PLXNA1: variants seen among roughly 807,000 people sequenced by gnomAD.
PLXNA1 encodes the protein plexin-A1.
A neutral mutation model predicts 191.7 loss-of-function variants in PLXNA1; 77 were observed. The observed-to-expected ratio is 0.40, with a 90% confidence interval of 0.33 to 0.49. PLXNA1 has a LOEUF of 0.49. Among genes scored for constraint, PLXNA1 ranks in the 20% least tolerant of loss-of-function variants. The probability of loss-of-function intolerance (pLI) is 0.63; values close to 1 mark genes in which losing one functional copy is unlikely to be tolerated. For synonymous variants in PLXNA1, 1,137 were observed against 1,156.4 expected, an observed-to-expected ratio of 0.98 and a Z score of 0.34; for missense variants, 2,110 against 2,660.2, an observed-to-expected ratio of 0.79 and a Z score of 4.55.
rs779384154 is a variant in PLXNA1, at chr3:127,029,856, G to A, written c.4871-18G>A. 2.5e-6 allele frequency: 4 copies of A among 1,585,110 alleles called. No individual in the cohort carries two copies. The highest frequency in any genetic ancestry group is 2.7e-5 in the African/African-American group (2 of 74,286). ...CGGGGTGCCAGCCAACGCGGGCGCT[G>A]ACAGCCTGGTGCTGCAGAGAGCATG... On this transcript the variant is annotated intron_variant, in intron 27 of 31. Transcript: ENST00000393409.
intron 20 of PLXNA1, among the ~76,000 whole-genome samples, chr3:127,019,847 C>A (rs2079143861): frequency 1.3e-5 from 2 of 152,144 alleles, no homozygotes; most frequent in African/African-American, 2.4e-5. Context: ...GGGACCTCAC[C>A]CCTGGCCGCA....
At chr3:127,024,117 C>A (rs985506581) in intron 23 of PLXNA1, among the ~76,000 whole-genome samples, 5 of 152,146 alleles carry the variant, frequency 3.3e-5, no homozygotes, top group Non-Finnish European at 7.4e-5. Context: ...GTAAGCTGGG[C>A]TCTGTGAGCC....
At chr3:127,031,583 C>T (rs552678449) in intron 29 of PLXNA1, among the ~76,000 whole-genome samples, 3 of 152,342 alleles carry the variant, frequency 2.0e-5, no homozygotes, top group Admixed American at 6.5e-5. Flanking sequence ...CCAGCAGCCA[C>T]CCCCGACTTG....
chr3:127,009,393 TG>T (rs1175041756), intron 9 of PLXNA1, among the ~76,000 whole-genome samples: 1 of 151,976 alleles, frequency 6.6e-6, no homozygotes. Context: ...AGGGCTGGGC[TG>T]GGGGCACGTG....
chr3:127,032,383 G>C lies in PLXNA1; in HGVS notation c.5232-4G>C. ...CTGAGCAGCGCCTGGACTCTCGCCTGCAGCCTGCCCCTGCGCTTCTGGGTG... is the reference window on the plus strand; with the variant it reads ...CTGAGCAGCGCCTGGACTCTCGCCTCCAGCCTGCCCCTGCGCTTCTGGGTG... On this transcript the variant is annotated splice_region_variant and splice_polypyrimidine_tract_variant and intron_variant, in intron 29 of 31. Coordinates refer to ENST00000393409, the MANE Select transcript of PLXNA1 (RefSeq NM_032242.4). The C allele has an allele frequency of 6.2e-7, 1 of 1,613,478 alleles. No homozygotes were observed. The highest frequency in any genetic ancestry group is 8.5e-7 in the Non-Finnish European group (1 of 1,179,808).
At chr3:127,001,497 T>C (rs1338017572) in intron 3 of PLXNA1, among the ~76,000 whole-genome samples, 1 of 152,168 alleles carries the variant, frequency 6.6e-6, no homozygotes, top group Non-Finnish European at 1.5e-5. Context: ...GGGGCTGGGC[T>C]TCACAGCGGG....
rs767221485 is a variant in PLXNA1, at chr3:127,014,070, C to A, written c.2364C>A (p.Val788=). ...GCGACCTGCCAGTGAACCTGTCAGT[C>A]GTGTGGAACGGCAACTTTGTCATTG... ...DVSDLPVNLS[V]VWNGNFVIDN... Residue 788 remains valine, a synonymous_variant, in exon 11 of 32, where the codon GTC becomes GTA. Transcript: ENST00000393409. 1.2e-6 allele frequency: 2 copies of A among 1,613,862 alleles called. No individual in the cohort carries two copies. The highest frequency in any genetic ancestry group is 2.2e-5 in the East Asian group (1 of 44,882).
chr3:126,994,518 C>T (rs563255095), intron 3 of PLXNA1, among the ~76,000 whole-genome samples: 4 of 150,622 alleles, frequency 2.7e-5, no homozygotes, highest in Admixed American at 6.6e-5. Flanking sequence ...GGAGATCTAC[C>T]CTCACTTGTT....
rs1463146434 is a variant in PLXNA1 at position 127,022,350 on chromosome 3, G to T, written c.4295+9G>T. 11 of 1,602,922 alleles carry T rather than the reference G, an allele frequency of 6.9e-6. No homozygotes were observed. Among genetic ancestry groups the T allele is most frequent in the African/African-American group, 1.3e-5 (1 of 74,762 alleles). The stretch of plus-strand genomic sequence containing the variant: ...AAGCTGCTACTGCGCCGGTGAGCCT[G>T]GGGGGCACTGGGGTTGGGGGAGGCA... On this transcript the variant is annotated intron_variant, in intron 22 of 31. Coordinates refer to ENST00000393409, the MANE Select transcript of PLXNA1 (RefSeq NM_032242.4).
intron 3 of PLXNA1, among the ~76,000 whole-genome samples, chr3:127,002,295 G>T (rs182373674): frequency 2.2e-3 from 336 of 152,350 alleles, no homozygotes; most frequent in Non-Finnish European, 2.9e-3. Context: ...GAGCGGATGT[G>T]GGGGGTGGCC....
chr3:127,024,027 G>A (rs1206214911), intron 23 of PLXNA1, among the ~76,000 whole-genome samples: 1 of 152,196 alleles, frequency 6.6e-6, no homozygotes, highest in Non-Finnish European at 1.5e-5. Flanking sequence ...AGGCAGAACT[G>A]GAAGCAGGTA....
At chr3:127,002,051 C>T (rs72959009) in intron 3 of PLXNA1, among the ~76,000 whole-genome samples, 2 of 152,364 alleles carry the variant, frequency 1.3e-5, no homozygotes, top group African/African-American at 2.4e-5. Context: ...CACGGGTGCA[C>T]TTGGTGCGGG....
At position 127,014,616 on chromosome 3, in the gene PLXNA1, A is replaced by G; in HGVS notation, c.2743A>G (p.Ile915Val). 2 of 1,613,210 alleles carry G rather than the reference A, an allele frequency of 1.2e-6. No homozygotes were observed. The highest frequency in any genetic ancestry group is 8.5e-7 in the Non-Finnish European group (1 of 1,179,824). ...VLCSPVESEY[I>V]SAEQIVCEIG... is the part of the protein sequence containing the mutation. Reference sequence around the variant, plus strand: ...GTGCAGCCCTGTGGAGAGCGAGTACATCAGTGCGGAGCAGTGAGTGCAGCC... The same window carrying G: ...GTGCAGCCCTGTGGAGAGCGAGTACGTCAGTGCGGAGCAGTGAGTGCAGCC... Residue 915 changes from isoleucine (I) to valine (V), a missense_variant, in exon 13 of 32, where the codon ATC becomes GTC. Around this residue, in one of 4 missense-constraint regions of PLXNA1, gnomAD observed 644 missense variants for 714.3 expected, o/e 0.90. Transcript: ENST00000393409.
At chr3:127,016,495 T>C in intron 15 of PLXNA1, 22 bp from the exon 16 acceptor site, 1 of 1,612,318 alleles carries the variant, frequency 6.2e-7, no homozygotes, top group Non-Finnish European at 8.5e-7. Flanking sequence ...TGCTCCTCAC[T>C]GTCCCACTCG....
chr3:127,013,097 C>A (rs1464026470), intron 10 of PLXNA1, among the ~76,000 whole-genome samples: 1 of 152,180 alleles, frequency 6.6e-6, no homozygotes, highest in South Asian at 2.1e-4. Flanking sequence ...AGGGTCACAA[C>A]AGGCTTCCTG....
chr3:127,017,095 CCTG>C, intron 17 of PLXNA1, 58 bp downstream of exon 17: 1 of 1,451,974 alleles, frequency 6.9e-7, no homozygotes, highest in Non-Finnish European at 9.6e-7. Context: ...GGATGGGGCT[CCTG>C]CTAGGAATAC....
chr3:127,016,482 G>A (rs570683593), intron 15 of PLXNA1, 35 bp from the exon 16 acceptor site: 16 of 1,606,924 alleles, frequency 1.0e-5, no homozygotes, highest in Admixed American at 3.3e-5. Context: ...GGTTCCACCC[G>A]TGTGCTCCTC....
chr3:126,993,379 ATGGG>A (rs1242976121), intron 3 of PLXNA1, among the ~76,000 whole-genome samples: 3 of 152,088 alleles, frequency 2.0e-5, no homozygotes, highest in Non-Finnish European at 4.4e-5. Flanking sequence ...GGAGGCAGGT[ATGGG>A]TGGAGCCTGT....
In PLXNA1 at chr3:127,005,198, C is replaced by A; in HGVS notation, c.1852C>A (p.Arg618Ser). 6.2e-7 allele frequency: 1 copy of A among 1,611,932 alleles called. No individual in the cohort carries two copies. ...CCTGGAGGATGGCCGGATCCACTGC[C>A]GCTCACCCTCCGCCCGGGAGGTGGC... ...SVLEDGRIHC[R>S]SPSAREVAPI... is the part of the protein sequence containing the mutation. Residue 618 changes from arginine (R) to serine (S), a missense_variant, in exon 7 of 32, where the codon CGC (arginine) becomes AGC (serine). Arg to Ser is a moderately radical substitution (Grantham distance 110). This residue lies in a region of PLXNA1 where 903 missense variants were observed against 1,015.7 expected (regional missense o/e 0.89). Coordinates refer to ENST00000393409, the MANE Select transcript of PLXNA1 (RefSeq NM_032242.4).
Sources: allele counts gnomAD v4.1 joint callset (sites outside exome capture counted in the v4.1 genomes callset), GRCh38; gene constraint gnomAD v4.1.1; regional missense constraint gnomAD v4.1.1; transcripts MANE v1.5; gene names NCBI Gene and HGNC (gene_info 2026-07-23, HGNC 2026-07-21).